The following RGS7 variants were observed in gnomAD, a reference collection of about 807,000 sequenced individuals.
RGS7 encodes the protein regulator of G-protein signaling 7.
Under a neutral mutation model 81.1 loss-of-function variants are expected in RGS7, and 27 were observed. The ratio of observed to expected loss-of-function variants is 0.33; its 90% confidence interval spans 0.25 to 0.46. The LOEUF (loss-of-function observed/expected upper bound fraction) is 0.46, where lower values mean the gene tolerates loss of function less well. Among genes scored for constraint, RGS7 ranks in the 20% least tolerant of loss-of-function variants. The probability of loss-of-function intolerance (pLI) is 1.00; values close to 1 mark genes in which losing one functional copy is unlikely to be tolerated. For synonymous variants in RGS7, 208 were observed against 207.7 expected, an observed-to-expected ratio of 1.00 and a Z score of -0.01; for missense variants, 396 against 607.4, an observed-to-expected ratio of 0.65 and a Z score of 3.66.
intron 2 of RGS7, among the ~76,000 whole-genome samples, chr1:241,147,780 T>TATA (rs2068424502): frequency 6.7e-5 from 3 of 44,604 alleles, no homozygotes; most frequent in Admixed American, 7.3e-4. Flanking sequence ...AGATTAAGTT[T>TATA]TATATATATA....
chr1:241,017,374 G>A (rs2059310959), intron 3 of RGS7, among the ~76,000 whole-genome samples: 1 of 149,206 alleles, frequency 6.7e-6, no homozygotes, highest in Non-Finnish European at 1.5e-5. Context: ...TCAGGAGGTG[G>A]AGTTGCAGTG....
chr1:241,022,290 G>A (rs894199346), intron 3 of RGS7, among the ~76,000 whole-genome samples: 2 of 152,264 alleles, frequency 1.3e-5, no homozygotes, highest in African/African-American at 4.8e-5. Flanking sequence ...TCATTCCTGG[G>A]TGTAGAGTGA....
chr1:240,849,111 C>T (rs1659624107), intron 9 of RGS7, among the ~76,000 whole-genome samples: 2 of 152,142 alleles, frequency 1.3e-5, no homozygotes, highest in Admixed American at 1.3e-4. Context: ...TTCTTTCATC[C>T]TAATTTTTTC....
At chr1:241,160,739 T>G (rs1002767820) in intron 2 of RGS7, among the ~76,000 whole-genome samples, 2 of 152,228 alleles carry the variant, frequency 1.3e-5, no homozygotes, top group African/African-American at 4.8e-5. Context: ...CAGTTTGATA[T>G]CTACGTTGCC....
chr1:240,998,724 G>T, intron 3 of RGS7: 7 of 951,012 alleles, frequency 7.4e-6, no homozygotes, highest in Non-Finnish European at 1.2e-5. Flanking sequence ...CTTATTCTCC[G>T]TGACGGTCAC....
chr1:241,002,923 A>T (rs2058484144), intron 3 of RGS7, among the ~76,000 whole-genome samples: 1 of 152,210 alleles, frequency 6.6e-6, no homozygotes, highest in Non-Finnish European at 1.5e-5. Context: ...GAAAACAAAA[A>T]ATTTATAATA....
intron 2 of RGS7, among the ~76,000 whole-genome samples, chr1:241,299,075 C>T (rs2079584488): frequency 6.6e-6 from 1 of 152,218 alleles, no homozygotes. Context: ...TCTCTGCAGA[C>T]ATGAGGAACT....
Position 241,164,476 on chromosome 1 carries a change from C to T in RGS7, c.79-65714G>A, listed in dbSNP as rs2070014949. Among the ~76,000 whole-genome samples the T allele has an allele frequency of 6.6e-6, 1 of 152,108 alleles. No individual in the cohort carries two copies. The highest frequency in any genetic ancestry group is 2.4e-5 in the African/African-American group (1 of 41,412). On this transcript the variant is annotated intron_variant, in intron 2 of 18. Transcript: ENST00000440928. This position sits in a 1 kb window ranked among gnomAD's most constrained non-coding sequence, Gnocchi z 4.1. ...CTAGGGACTGCCAGCCATCAGCCAA[C>T]TCATTAGCATACAAAAAGACATCAC...
At chr1:240,977,947 A>T (rs1269023091) in intron 4 of RGS7, among the ~76,000 whole-genome samples, 1 of 152,218 alleles carries the variant, frequency 6.6e-6, no homozygotes, top group African/African-American at 2.4e-5. Flanking sequence ...ATAGGACAGA[A>T]ATGTGTTCCA....
chr1:240,955,640 G>A (rs1379137803), intron 4 of RGS7, among the ~76,000 whole-genome samples: 3 of 150,350 alleles, frequency 2.0e-5, no homozygotes, highest in African/African-American at 7.4e-5. Flanking sequence ...TAGTAATCAA[G>A]ACAGTGAGTA....
At chr1:240,950,474 C>T (rs572773235) in intron 4 of RGS7, among the ~76,000 whole-genome samples, 35 of 152,234 alleles carry the variant, frequency 2.3e-4, no homozygotes, top group Admixed American at 8.5e-4. Flanking sequence ...ACAACATTAA[C>T]AGGGGCAGAG....
intron 3 of RGS7, among the ~76,000 whole-genome samples, chr1:241,093,381 A>G (rs1434719550): frequency 6.6e-6 from 1 of 152,206 alleles, no homozygotes; most frequent in East Asian, 1.9e-4. Flanking sequence ...CAAGTTAGTT[A>G]CACGTTTATT....
At chr1:241,087,981 T>C (rs754105667) in intron 3 of RGS7, among the ~76,000 whole-genome samples, 22 of 71,606 alleles carry the variant, frequency 3.1e-4, no homozygotes, top group South Asian at 7.6e-4. Flanking sequence ...TCTCTCTATA[T>C]ATATATATAT....
At chr1:241,127,549 G>C (rs12032089) in intron 2 of RGS7, among the ~76,000 whole-genome samples, 41,062 of 151,838 alleles carry the variant, frequency 0.27, 6,318 homozygotes, top group African/African-American at 0.43. Flanking sequence ...TTGTGGCGTG[G>C]GGGGAGCGGG....
intron 9 of RGS7, among the ~76,000 whole-genome samples, chr1:240,854,972 C>T (rs998924665): frequency 6.6e-6 from 1 of 152,126 alleles, no homozygotes; most frequent in African/African-American, 2.4e-5. Context: ...TCATCTCGGA[C>T]GTTACAGGCC....
chr1:241,089,458 C>T (rs1012986464), intron 3 of RGS7, among the ~76,000 whole-genome samples: 20 of 151,884 alleles, frequency 1.3e-4, no homozygotes, highest in African/African-American at 3.4e-4. Context: ...CATAGGTAAA[C>T]GTACCCTTGC....
chr1:241,118,596 G>C (rs558420638), intron 2 of RGS7, among the ~76,000 whole-genome samples: 1 of 152,040 alleles, frequency 6.6e-6, no homozygotes, highest in South Asian at 2.1e-4. Context: ...GCACTCATAG[G>C]TTCATCACAG....
In RGS7 at chr1:240,870,078, G is replaced by C. The variant is rs1395888367; in HGVS notation, c.427C>G (p.Leu143Val). 6.2e-7 allele frequency: 1 copy of C among 1,613,952 alleles called. No individual in the cohort carries two copies. The highest frequency in any genetic ancestry group is 1.3e-5 in the African/African-American group (1 of 74,910). ...CKRTMQNKAR[L>V]ELADYEAESL... is the part of the protein sequence containing the mutation. ...ACAGCCTCATAGTCTGCGAGCTCCAGTCGTGCCTTGTTTTGCATTGTTCTC... is the reference window on the plus strand; with the variant it reads ...ACAGCCTCATAGTCTGCGAGCTCCACTCGTGCCTTGTTTTGCATTGTTCTC... The change falls in exon 7 of 19, where the codon CTG (leucine) becomes GTG (valine). Residue 143 changes from leucine (L) to valine (V), a missense_variant. Leu to Val is a conservative substitution (Grantham distance 32). Coordinates refer to ENST00000440928, the MANE Select transcript of RGS7 (RefSeq NM_001364886.1).
rs368509484 is a variant in RGS7 at position 241,239,055 on chromosome 1, G to A, written c.78+116644C>T. ...GCGATCTCGGCTCACTGCAACCTCC[G>A]CCTCCCGGGTTCAAGCTATTCTCCT... is the stretch of plus-strand genomic sequence containing the variant. On this transcript the variant is annotated intron_variant, in intron 2 of 18. Coordinates refer to ENST00000440928, the MANE Select transcript of RGS7 (RefSeq NM_001364886.1). Among the ~76,000 whole-genome samples the A allele has an allele frequency of 2.0e-4, 28 of 141,534 alleles. 1 individual carries two copies. In the South Asian group the frequency reaches 6.6e-3, roughly 33 times the overall value. The allele number at this position is 141,534 out of a possible 152,430, so 92.9% of individuals were successfully genotyped here.
Sources: allele counts gnomAD v4.1 joint callset (sites outside exome capture counted in the v4.1 genomes callset), GRCh38; gene constraint gnomAD v4.1.1; non-coding constraint Gnocchi (gnomAD v3.1); transcripts MANE v1.5; gene names NCBI Gene and HGNC (gene_info 2026-07-23, HGNC 2026-07-21).